Variants in SEC31B observed in about 807,000 individuals in gnomAD.
SEC31B encodes SEC31 homolog B, COPII component, also known as protein transport protein Sec31B.
Under a neutral mutation model 135.0 loss-of-function variants are expected in SEC31B, and 113 were observed. The ratio of observed to expected loss-of-function variants is 0.84; its 90% CI spans 0.72 to 0.98. The LOEUF (loss-of-function observed/expected upper bound fraction) is 0.98, where lower values mean the gene tolerates loss of function less well. SEC31B is among the 50% of genes least tolerant of loss of function. SEC31B has a pLI of 0.00. For synonymous variants in SEC31B, 508 were observed against 549.4 expected (o/e 0.92, Z 1.05); for missense variants, 1,296 against 1,421.1 (o/e 0.91, Z 1.42).
At chr10:100,519,254 C>CA (rs910707992) in intron 1 of SEC31B, among the ~76,000 whole-genome samples, 3 of 152,224 alleles carry the variant, frequency 2.0e-5, no homozygotes, top group South Asian at 2.1e-4. Flanking sequence ...CATCTATTCA[C>CA]AAAAAAAGGG....
rs758073975 is a variant in SEC31B at position 100,505,315 on chromosome 10, CACACACACACAA to C, written c.1179+34_1179+45del. 18 of 1,600,228 alleles carry C rather than the reference CACACACACACAA, an allele frequency of 1.1e-5. No individual in the cohort carries two copies. The East Asian group carries it at 1.6e-4, about 14-fold the overall frequency. On this transcript the variant is annotated intron_variant, in intron 10 of 25. Transcript: ENST00000370345. ...GGCTTCACAAACACACACACACACA[CACACACACACAA>C]ACACACACACACCTATACATCCACT... is the stretch of plus-strand genomic sequence containing the variant.
intron 3 of SEC31B, among the ~76,000 whole-genome samples, chr10:100,512,566 C>A (rs1325561184): frequency 6.6e-6 from 1 of 152,116 alleles, no homozygotes; most frequent in Admixed American, 6.6e-5. Context: ...ATTTTTCTTT[C>A]AGTCAAATAT....
intron 3 of SEC31B, among the ~76,000 whole-genome samples, chr10:100,514,342 T>C (rs2133698415): frequency 6.6e-6 from 1 of 152,306 alleles, no homozygotes; most frequent in South Asian, 2.1e-4. Context: ...GGATTAGAAC[T>C]AGTGCCCCCT....
Position 100,487,072 on chromosome 10 carries a change from C to T in SEC31B, c.*544G>A. The T allele has an allele frequency of 6.4e-6, 1 of 156,964 alleles. No individual in the cohort carries two copies. The highest frequency in any genetic ancestry group is 1.4e-5 in the Non-Finnish European group (1 of 70,964). 9.7% of individuals were successfully genotyped at this position (156,964 alleles called of 1,614,324 possible). A position where few individuals can be genotyped will look rare whatever the true frequency, so the allele number is the denominator to read the frequency against. On this transcript the variant is annotated 3_prime_UTR_variant, in exon 26 of 26. Transcript: ENST00000370345. ...AGTTTCCTCTCTTGGTTCTGCTCAG[C>T]ACCCATCCCTCACGTCCATGAGTTG...
chr10:100,506,731 T>A (rs528311847), intron 7 of SEC31B, among the ~76,000 whole-genome samples: 1 of 152,244 alleles, frequency 6.6e-6, no homozygotes, highest in African/African-American at 2.4e-5. Flanking sequence ...AGATTATGAA[T>A]CAGTATGAAT....
intron 14 of SEC31B, chr10:100,498,428 AGTGTGAG>A: frequency 3.3e-6 from 2 of 610,244 alleles, no homozygotes. Context: ...GCAGTAGCAC[AGTGTGAG>A]GTGTGCTTGA....
chr10:100,489,945 A>C (rs1409996417), intron 21 of SEC31B, 63 bp downstream of exon 21: 1 of 1,531,872 alleles, frequency 6.5e-7, no homozygotes, highest in African/African-American at 1.4e-5. Flanking sequence ...AAGACTCCCA[A>C]AGTAGTGAGA....
chr10:100,519,025 T>A (rs1851899729), intron 1 of SEC31B, among the ~76,000 whole-genome samples: 1 of 152,176 alleles, frequency 6.6e-6, no homozygotes, highest in African/African-American at 2.4e-5. Flanking sequence ...GATGTGCATA[T>A]CTCAGTTAAT....
intron 3 of SEC31B, among the ~76,000 whole-genome samples, chr10:100,513,728 C>T (rs1851776116): frequency 6.6e-6 from 1 of 151,966 alleles, no homozygotes; most frequent in African/African-American, 2.4e-5. Flanking sequence ...TCTCAGCCTC[C>T]CAAAGTGCTG....
intron 11 of SEC31B, 111 bp downstream of exon 11, chr10:100,502,143 G>A (rs1851535537): frequency 7.7e-6 from 6 of 780,430 alleles, no homozygotes; most frequent in South Asian, 3.3e-5. Flanking sequence ...GGGAGTTAAG[G>A]CCTCTGTGAT....
rs1254399723 is a variant in SEC31B at position 100,499,505 on chromosome 10, G to T, written c.1485+19C>A. The T allele has an allele frequency of 6.3e-6, 10 of 1,579,680 alleles. No individual in the cohort carries two copies. The highest frequency in any genetic ancestry group is 7.8e-6 in the Non-Finnish European group (9 of 1,155,366). Reference sequence around the variant, plus strand: ...TTCTCTTCAACAAGTACATGTTTCTGATGTGAAAAGCAGCTTACCTTCTTC... The same window carrying T: ...TTCTCTTCAACAAGTACATGTTTCTTATGTGAAAAGCAGCTTACCTTCTTC... On this transcript the variant is annotated intron_variant, in intron 12 of 25. Transcript: ENST00000370345.
chr10:100,496,332 G>A lies in SEC31B; in HGVS notation c.2236C>T (p.Gln746Ter). 1 of 1,614,230 alleles carries A rather than the reference G, an allele frequency of 6.2e-7. No homozygotes were observed. The highest frequency in any genetic ancestry group is 8.5e-7 in the Non-Finnish European group (1 of 1,180,036). The change falls in exon 18 of 26, where the codon CAG (glutamine) becomes TAG (stop). Residue 746 changes from glutamine to a stop codon, truncating the protein, a stop_gained. Coordinates refer to ENST00000370345, the MANE Select transcript of SEC31B (RefSeq NM_015490.4). LOFTEE classifies it high-confidence loss of function. ...PGPATTYRVT[Q>*]YANLLAAQGS... The stretch of plus-strand genomic sequence containing the variant: ...TGGGCTGCCAGGAGGTTGGCATACT[G>A]AGTGACCCTGTAGGTTGTGGCAGGG...
At chr10:100,500,321 C>CT (rs113438366) in intron 11 of SEC31B, among the ~76,000 whole-genome samples, 107 of 143,852 alleles carry the variant, frequency 7.4e-4, no homozygotes, top group Admixed American at 2.4e-3. Context: ...TGTTTCTTTT[C>CT]TTTTTTTTTT....
At chr10:100,495,731 G>A (rs1851395735) in intron 18 of SEC31B, among the ~76,000 whole-genome samples, 185 bp from the exon 19 acceptor site, 1 of 152,002 alleles carries the variant, frequency 6.6e-6, no homozygotes, top group Non-Finnish European at 1.5e-5. Context: ...ATGGTTTTTG[G>A]TTTGTCTCTA....
rs1851459843 is a variant in SEC31B at position 100,498,685 on chromosome 10, C to T, written c.1684+20G>A. 19 of 1,563,540 alleles carry T rather than the reference C, an allele frequency of 1.2e-5. No homozygotes were observed. Among genetic ancestry groups the T allele is most frequent in the Non-Finnish European group, 1.6e-5 (18 of 1,134,796 alleles). On this transcript the variant is annotated intron_variant, in intron 14 of 25. Transcript: ENST00000370345. ...CTAGTCCTAAGCAGAGACTCTCCCT[C>T]TCCCTCAGGGTCAGGGTACCTTTTG...
rs914671164 is a variant in SEC31B at position 100,486,884 on chromosome 10, G to A, written c.*732C>T. The A allele has an allele frequency of 6.6e-6, 1 of 152,230 alleles. No homozygotes were observed. Among genetic ancestry groups the A allele is most frequent in the Non-Finnish European group, 1.5e-5 (1 of 68,072 alleles). 9.4% of individuals were successfully genotyped at this position (152,230 alleles called of 1,614,324 possible). ...GCCTTGGGCTAAGGCTCCAACATAG[G>A]TGGAGTCAAGGGCAGTTCCCCATAG... On this transcript the variant is annotated 3_prime_UTR_variant, in exon 26 of 26. Coordinates refer to ENST00000370345, the MANE Select transcript of SEC31B (RefSeq NM_015490.4).
At chr10:100,501,383 T>C (rs1851521839) in intron 11 of SEC31B, among the ~76,000 whole-genome samples, 1 of 152,344 alleles carries the variant, frequency 6.6e-6, no homozygotes, top group East Asian at 1.9e-4. Context: ...TCACCATTCC[T>C]GGAACTTGTA....
chr10:100,489,759 G>A lies in SEC31B; in HGVS notation c.2968C>T (p.Pro990Ser). 1 of 1,614,070 alleles carries A rather than the reference G, an allele frequency of 6.2e-7. No individual in the cohort carries two copies. Among genetic ancestry groups the A allele is most frequent in the Non-Finnish European group, 8.5e-7 (1 of 1,179,956 alleles). ...GGGGCTTCTTTCCAGGAATCTTGAGGTCCTATAGAATAAAAAGATAGAGGT... is the reference window on the plus strand; with the variant it reads ...GGGGCTTCTTTCCAGGAATCTTGAGATCCTATAGAATAAAAAGATAGAGGT... ...TTGILTPHPG[P>S]QDSWKEAPAP... Residue 990 changes from proline (P) to serine (S), a missense_variant and splice_region_variant, in exon 22 of 26, where the codon CCT (proline) becomes TCT (serine). Pro to Ser is a moderately conservative substitution (Grantham distance 74). Transcript: ENST00000370345.
intron 19 of SEC31B, among the ~76,000 whole-genome samples, chr10:100,492,839 G>A (rs1851326153): frequency 6.6e-6 from 1 of 152,174 alleles, no homozygotes; most frequent in Non-Finnish European, 1.5e-5. Flanking sequence ...GTAGGCATGA[G>A]CTGACAGGTG....
Sources: allele counts gnomAD v4.1 joint callset (sites outside exome capture counted in the v4.1 genomes callset), GRCh38; gene constraint gnomAD v4.1.1; transcripts MANE v1.5; gene names NCBI Gene and HGNC (gene_info 2026-07-23, HGNC 2026-07-21).